The following SLC17A2 variants were observed in gnomAD, a reference collection of about 807,000 sequenced individuals.
SLC17A2 encodes solute carrier family 17 member 2.
SLC17A2 carries 38 observed loss-of-function variants against 52.1 expected under a neutral mutation model. The observed-to-expected ratio is 0.73, with a 90% CI of 0.56 to 0.96. SLC17A2 has a LOEUF of 0.96. SLC17A2 is among the 40% of genes least tolerant of loss of function. SLC17A2 has a pLI of 0.00. For missense variants in SLC17A2, 508 were observed against 583.9 expected (o/e 0.87, Z 1.34); for synonymous variants, 226 against 211.9 (o/e 1.07, Z -0.58).
chr6:25,919,641 A>AGT (rs1217807808), intron 5 of SLC17A2, among the ~76,000 whole-genome samples: 1 of 134,206 alleles, frequency 7.5e-6, no homozygotes, highest in African/African-American at 2.8e-5. Context: ...CGGAGCTTGC[A>AGT]GTGAGCCGAG....
At chr6:25,927,041 G>A (rs1766792001) in intron 1 of SLC17A2, among the ~76,000 whole-genome samples, 1 of 152,214 alleles carries the variant, frequency 6.6e-6, no homozygotes, top group Admixed American at 6.5e-5. Context: ...ACTACAGCTT[G>A]GGGGACAGAG....
Position 25,916,683 on chromosome 6 carries a change from A to G in SLC17A2, c.930+2T>C. ...TCGTAGAAGTATAGGAAGTAAACTC[A>G]CATCTCTGATGTTAACATGGAGCAG... On this transcript the variant is annotated splice_donor_variant, in intron 8 of 11. Transcript: ENST00000377850. LOFTEE classifies it high-confidence loss of function. 6.2e-7 allele frequency: 1 copy of G among 1,610,102 alleles called. No individual in the cohort carries two copies. Among genetic ancestry groups the G allele is most frequent in the Non-Finnish European group, 8.5e-7 (1 of 1,176,342 alleles).
chr6:25,920,149 C>T lies in SLC17A2; in HGVS notation c.562+857G>A, dbSNP rs78362991. On this transcript the variant is annotated intron_variant, in intron 5 of 11. Transcript: ENST00000377850. The stretch of plus-strand genomic sequence containing the variant: ...TATTTGCAAATAGAGGAGATGGTTA[C>T]AACTATGATGGAAGGAAGCAAGAAC... Among the ~76,000 whole-genome samples the T allele has an allele frequency of 6.2e-4, 95 of 152,214 alleles. 1 individual carries two copies. The highest frequency in any genetic ancestry group is 6.8e-3 in the Middle Eastern group (2 of 294).
At chr6:25,922,662 C>A (rs1766602154) in intron 3 of SLC17A2, among the ~76,000 whole-genome samples, 1 of 152,038 alleles carries the variant, frequency 6.6e-6, no homozygotes, top group South Asian at 2.1e-4. Context: ...GTAATAAAAT[C>A]ATTAATCATG....
intron 1 of SLC17A2, 59 bp from the exon 2 acceptor site, chr6:25,925,938 G>T: frequency 1.1e-6 from 1 of 892,464 alleles, no homozygotes. Context: ...TGTTAATGTT[G>T]CCTCCTCTTA....
Position 25,914,637 on chromosome 6 carries a change from T to G in SLC17A2, c.1245A>C (p.Gly415=). 6.2e-7 allele frequency: 1 copy of G among 1,612,774 alleles called. No individual in the cohort carries two copies. Among genetic ancestry groups the G allele is most frequent in the Non-Finnish European group, 8.5e-7 (1 of 1,178,832 alleles). The change falls in exon 11 of 12, where the codon GGA becomes GGC. Residue 415 remains glycine (G), a synonymous_variant. Transcript: ENST00000377850. The part of the protein sequence containing the change: ...YASFLMGISR[G]FGLIAGIISS... ...AGATGATTCCTGCGATGAGCCCAAATCCCCTTGAGATTCCCATGAGGAAAC... is the reference window on the plus strand; with the variant it reads ...AGATGATTCCTGCGATGAGCCCAAAGCCCCTTGAGATTCCCATGAGGAAAC...
Position 25,925,897 on chromosome 6 carries a change from T to A in SLC17A2, c.-83-18A>T. ...TCTTTTATCTATGGAGAGAACATAA[T>A]CCAAAACATAATACACAAATAATTT... On this transcript the variant is annotated intron_variant, in intron 1 of 11. Transcript: ENST00000377850. 8.4e-7 allele frequency: 1 copy of A among 1,193,160 alleles called. No individual in the cohort carries two copies. Among genetic ancestry groups the A allele is most frequent in the Non-Finnish European group, 1.3e-6 (1 of 796,072 alleles). 73.9% of individuals were successfully genotyped at this position (1,193,160 alleles called of 1,614,324 possible). A position where few individuals can be genotyped will look rare whatever the true frequency, so the allele number is the denominator to read the frequency against.
chr6:25,927,470 A>G (rs1766808112), intron 1 of SLC17A2, among the ~76,000 whole-genome samples: 2 of 152,224 alleles, frequency 1.3e-5, no homozygotes, highest in Non-Finnish European at 2.9e-5. Flanking sequence ...AGTGCCAGTA[A>G]TGACTATTTC....
At chr6:25,928,925 TA>T (rs527781305) in intron 1 of SLC17A2, among the ~76,000 whole-genome samples, 62 of 151,956 alleles carry the variant, frequency 4.1e-4, no homozygotes, top group Admixed American at 2.1e-3. Flanking sequence ...AATGTTATAT[TA>T]AAAAAAATTA....
chr6:25,919,699 C>CAAAAAAAAAAAAAAAAA (rs766352177), intron 5 of SLC17A2, among the ~76,000 whole-genome samples: 516 of 31,152 alleles, frequency 0.017, 113 homozygotes, highest in Non-Finnish European at 0.025. Context: ...GACACCGTCT[C>CAAAAAAAAAAAAAAAAA]AAAAAAAAAA....
chr6:25,924,853 T>C (rs971550366), intron 2 of SLC17A2, among the ~76,000 whole-genome samples: 5 of 151,904 alleles, frequency 3.3e-5, no homozygotes, highest in Non-Finnish European at 5.9e-5. Context: ...TTTACAAAGC[T>C]TGCAGGTGAT....
intron 1 of SLC17A2, among the ~76,000 whole-genome samples, chr6:25,928,591 C>G (rs541696214): frequency 6.6e-6 from 1 of 152,248 alleles, no homozygotes; most frequent in African/African-American, 2.4e-5. Flanking sequence ...TTCTTCGTTT[C>G]CTATTTTCCT....
At chr6:25,924,983 A>AT (rs1360373270) in intron 2 of SLC17A2, among the ~76,000 whole-genome samples, 18 of 152,152 alleles carry the variant, frequency 1.2e-4, no homozygotes, top group African/African-American at 4.1e-4. Context: ...GATAGATTGG[A>AT]TTTTTCCTGC....
At chr6:25,919,749 A>G (rs1237700290) in intron 5 of SLC17A2, among the ~76,000 whole-genome samples, 1 of 148,720 alleles carries the variant, frequency 6.7e-6, no homozygotes, top group Non-Finnish European at 1.5e-5. Flanking sequence ...TTTTTACATA[A>G]GCTATGCAAT....
intron 2 of SLC17A2, 85 bp from the exon 3 acceptor site, chr6:25,923,991 A>G: frequency 9.7e-7 from 1 of 1,034,666 alleles, no homozygotes; most frequent in Non-Finnish European, 1.5e-6. Context: ...ATCTGATAGA[A>G]CTTTGGATGA....
chr6:25,913,530 A>G, intron 11 of SLC17A2, 79 bp from the exon 12 acceptor site: 9 of 1,343,722 alleles, frequency 6.7e-6, no homozygotes, highest in Non-Finnish European at 9.4e-6. Flanking sequence ...CCAGTTGTGT[A>G]TTGCAATGTT....
Position 25,930,274 on chromosome 6 carries a change from C to T in SLC17A2, c.-84+3G>A, listed in dbSNP as rs1766905762. ...TAATCACAGCATCACAGTTAATACT[C>T]ACAGCGTCCTTGGAGAAATGACCAT... On this transcript the variant is annotated splice_donor_region_variant and intron_variant, in intron 1 of 11. Transcript: ENST00000377850. The T allele has an allele frequency of 6.6e-6, 1 of 152,354 alleles. No homozygotes were observed. The highest frequency in any genetic ancestry group is 1.5e-5 in the Non-Finnish European group (1 of 68,136). The allele number at this position is 152,354 out of a possible 1,614,324, so 9.4% of individuals were successfully genotyped here.
rs918038291 is a variant in SLC17A2, at chr6:25,914,769, C to T, written c.1212-99G>A. 17 of 715,312 alleles carry T rather than the reference C, an allele frequency of 2.4e-5. No homozygotes were observed. The African/African-American group carries it at 2.7e-4, about 11-fold the overall frequency. 44.3% of individuals were successfully genotyped at this position (715,312 alleles called of 1,614,324 possible). A position where few individuals can be genotyped will look rare whatever the true frequency, so the allele number is the denominator to read the frequency against. On this transcript the variant is annotated intron_variant, in intron 10 of 11. Transcript: ENST00000377850. ...TGCAATTCAGCTCTAATGGCAAAGT[C>T]ATTTTGCTTAATGCAGTTTTTCATT...
chr6:25,915,380 T>A, intron 10 of SLC17A2, 119 bp downstream of exon 10: 1 of 883,846 alleles, frequency 1.1e-6, no homozygotes, highest in Non-Finnish European at 1.7e-6. Flanking sequence ...TATTTGTAGT[T>A]ATTTGTCATT....
Sources: gnomAD v4.1 joint callset for allele counts (sites outside exome capture counted in the v4.1 genomes callset) on GRCh38, gnomAD v4.1.1 for gene constraint, MANE v1.5 for transcripts, NCBI Gene and HGNC (gene_info 2026-07-23, HGNC 2026-07-21) for gene names.